Variants in FRY observed in about 807,000 individuals in gnomAD.
FRY encodes FRY microtubule binding protein, also known as protein furry homolog.
A neutral mutation model predicts 348.4 loss-of-function variants in FRY; 128 were observed. That is an observed-to-expected ratio of 0.37 (90% CI 0.32 to 0.43). The LOEUF (loss-of-function observed/expected upper bound fraction) is 0.43. Ranked by LOEUF, FRY falls within the 20% of genes least tolerant of loss-of-function variation. The pLI is 1.00. For missense variants in FRY, 2,736 were observed against 3,695.2 expected, an observed-to-expected ratio of 0.74 and a Z score of 6.73; for synonymous variants, 1,370 against 1,374.7, an observed-to-expected ratio of 1.00 and a Z score of 0.08.
At chr13:32,087,031 A>T (rs540849983) in intron 2 of FRY, among the ~76,000 whole-genome samples, 32 of 152,336 alleles carry the variant, frequency 2.1e-4, no homozygotes, top group African/African-American at 7.0e-4. Flanking sequence ...TAACTGTGTC[A>T]TGCTGGAATG....
chr13:32,105,526 C>T (rs1387016986), intron 3 of FRY, among the ~76,000 whole-genome samples: 2 of 152,182 alleles, frequency 1.3e-5, no homozygotes, highest in East Asian at 1.9e-4. Flanking sequence ...AGCAAGGTCT[C>T]TTAGTCCTTT....
At chr13:32,154,486 C>T (rs1161241437) in intron 14 of FRY, among the ~76,000 whole-genome samples, 1 of 152,160 alleles carries the variant, frequency 6.6e-6, no homozygotes, top group African/African-American at 2.4e-5. Flanking sequence ...ATAGGTGATT[C>T]AGGCAAACCA....
At chr13:32,052,532 C>CT (rs1273028207) in intron 1 of FRY, among the ~76,000 whole-genome samples, 1 of 152,128 alleles carries the variant, frequency 6.6e-6, no homozygotes, top group Non-Finnish European at 1.5e-5. Flanking sequence ...TTCAATATAT[C>CT]TAAAATGTTA....
intron 17 of FRY, among the ~76,000 whole-genome samples, chr13:32,164,896 C>T (rs1479136857): frequency 6.6e-6 from 1 of 152,228 alleles, no homozygotes; most frequent in African/African-American, 2.4e-5. Flanking sequence ...AGGCTCCTTT[C>T]CTTGTCACTT....
chr13:32,182,748 G>A (rs1391256364), intron 23 of FRY, among the ~76,000 whole-genome samples: 3 of 152,136 alleles, frequency 2.0e-5, no homozygotes, highest in Non-Finnish European at 2.9e-5. Context: ...TAGATTTTAA[G>A]CCAGAATTAT....
At chr13:32,090,223 C>T (rs1224133159) in intron 2 of FRY, among the ~76,000 whole-genome samples, 1 of 151,854 alleles carries the variant, frequency 6.6e-6, no homozygotes, top group Non-Finnish European at 1.5e-5. Context: ...TGGTGGGCGC[C>T]TGTAGTCCCA....
chr13:32,155,619 A>G lies in FRY; in HGVS notation c.1608A>G (p.Thr536=), dbSNP rs375449576. 2.5e-6 allele frequency: 4 copies of G among 1,613,720 alleles called. No individual in the cohort carries two copies. The African/African-American group carries it at 4.0e-5, about 16-fold the overall frequency. Residue 536 remains threonine, a synonymous_variant, in exon 15 of 61, where the codon ACA becomes ACG. Transcript: ENST00000542859. ...GAAACACGTTAAGAGTAAAGAAAAC[A>G]TATTTGAGTAAAACACTAACTGAAG... ...PSGNTLRVKK[T]YLSKTLTEEE... is the part of the protein sequence containing the mutation.
chr13:32,103,690 C>T (rs1044166688), intron 3 of FRY, among the ~76,000 whole-genome samples: 24 of 152,084 alleles, frequency 1.6e-4, no homozygotes, highest in African/African-American at 5.3e-4. Flanking sequence ...TAGTGCTGGG[C>T]GCAGTGGCTC....
chr13:32,133,768 CTTTTTTTTTTT>C (rs34413710), intron 8 of FRY, among the ~76,000 whole-genome samples: 1 of 89,288 alleles, frequency 1.1e-5, no homozygotes, highest in African/African-American at 4.3e-5. Context: ...TTCTTTCTTT[CTTTTTTTTTTT>C]TTTTTTTTTT....
At position 32,249,528 on chromosome 13, in the gene FRY, T is replaced by A; in HGVS notation, c.7011T>A (p.Thr2337=). Residue 2337 remains threonine, a splice_region_variant and synonymous_variant, in exon 49 of 61, where the codon ACT becomes ACA. Transcript: ENST00000542859. ...TGTGCGTTTGTCTTCTTCTCAAGAC[T>A]CCAATCATCGGGAGGCGGTATGATG... ...TLDFHFDISE[T]PIIGRRYDEL... 1.2e-6 allele frequency: 2 copies of A among 1,614,132 alleles called. No individual in the cohort carries two copies. Among genetic ancestry groups the A allele is most frequent in the Non-Finnish European group, 1.7e-6 (2 of 1,180,024 alleles).
At chr13:32,276,595 A>G (rs747552623) in intron 57 of FRY, 33 bp downstream of exon 57, 3 of 1,127,802 alleles carry the variant, frequency 2.7e-6, no homozygotes, top group Non-Finnish European at 4.1e-6. Flanking sequence ...ATATGCAGTC[A>G]GTTAAAACCA....
At chr13:32,233,828 A>G (rs1319586934) in intron 41 of FRY, among the ~76,000 whole-genome samples, 1 of 152,236 alleles carries the variant, frequency 6.6e-6, no homozygotes, top group Non-Finnish European at 1.5e-5. Flanking sequence ...TTTAATTTTC[A>G]CAACAACTGT....
chr13:32,249,240 T>C (rs1434486581), intron 48 of FRY, among the ~76,000 whole-genome samples: 6 of 152,210 alleles, frequency 3.9e-5, no homozygotes, highest in Non-Finnish European at 8.8e-5. Flanking sequence ...AAACTGACTA[T>C]TTGGTTTCCT....
chr13:32,040,967 T>C (rs374933776), intron 1 of FRY, among the ~76,000 whole-genome samples: 2 of 152,332 alleles, frequency 1.3e-5, no homozygotes, highest in East Asian at 1.9e-4. Flanking sequence ...CTTTACTTAA[T>C]GCCTACAGCT....
intron 54 of FRY, among the ~76,000 whole-genome samples, chr13:32,266,884 T>A (rs534262783): frequency 1.3e-5 from 2 of 152,298 alleles, no homozygotes; most frequent in African/African-American, 4.8e-5. Context: ...CTCTGGTGAC[T>A]GAGGCACGAG....
chr13:32,040,832 C>G (rs193134360), intron 1 of FRY, among the ~76,000 whole-genome samples: 113 of 152,154 alleles, frequency 7.4e-4, no homozygotes, highest in African/African-American at 2.7e-3. Flanking sequence ...TATGATGATA[C>G]AGCTAAAGGA....
At chr13:32,194,107 A>G in intron 28 of FRY, 36 bp from the exon 29 acceptor site, 2 of 1,588,220 alleles carry the variant, frequency 1.3e-6, no homozygotes, top group Non-Finnish European at 1.7e-6. Flanking sequence ...TTCTTTCATC[A>G]AATGGGAATA....
At chr13:32,267,429 A>G (rs1194445142) in intron 55 of FRY, 70 bp downstream of exon 55, 26 of 1,344,732 alleles carry the variant, frequency 1.9e-5, no homozygotes, top group Non-Finnish European at 2.8e-5. Context: ...GAATTTAAGG[A>G]GAGGTTGTTC....
chr13:32,123,567 C>T (rs778257331), intron 4 of FRY, among the ~76,000 whole-genome samples: 3 of 152,182 alleles, frequency 2.0e-5, no homozygotes, highest in Non-Finnish European at 2.9e-5. Flanking sequence ...TGTTTCCTTA[C>T]ATTGTTTAGC....
Sources: allele counts gnomAD v4.1 joint callset (sites outside exome capture counted in the v4.1 genomes callset), GRCh38; gene constraint gnomAD v4.1.1; transcripts MANE v1.5; gene names NCBI Gene and HGNC (gene_info 2026-07-23, HGNC 2026-07-21).